LITAFD: variants seen among roughly 807,000 people sequenced by gnomAD.
LITAFD encodes LITAF domain containing, also known as lITAF domain-containing protein.
At chr16:8,884,423 G>T in exon 3 of LITAFD, 1 of 399,276 alleles carries the variant, frequency 2.5e-6, no homozygotes, top group East Asian at 3.6e-5. Context: ...TTTGTCCCGG[G>T]TGCCCTCACC....
chr16:8,885,272 CTCT>C (rs1357813540), exon 4 of LITAFD: 3 of 399,014 alleles, frequency 7.5e-6, no homozygotes, highest in African/African-American at 6.2e-5. Context: ...TCAGCGCGAG[CTCT>C]TCTACTACCA....
chr16:8,885,160 C>T (rs1215242166), intron 3 of LITAFD, 27 bp from the exon 4 acceptor site: 7 of 399,198 alleles, frequency 1.8e-5, no homozygotes, highest in Non-Finnish European at 2.7e-5. Flanking sequence ...GCCCCGCTCA[C>T]GCCCAGCCTC....
chr16:8,883,407 A>G (rs2061550656), intron 2 of LITAFD, 121 bp downstream of exon 2: 1 of 152,202 alleles, frequency 6.6e-6, no homozygotes, highest in South Asian at 2.1e-4. Flanking sequence ...ATCCTCTGGC[A>G]AGTTCTCCTC....
chr16:8,884,511 G>A, intron 3 of LITAFD, 46 bp downstream of exon 3: 1 of 398,420 alleles, frequency 2.5e-6, no homozygotes, highest in African/African-American at 2.1e-5. Flanking sequence ...AGCATTGGTA[G>A]GGGTGGGTCC....
intron 3 of LITAFD, 98 bp from the exon 4 acceptor site, chr16:8,885,089 G>A (rs181121332): frequency 5.5e-5 from 22 of 399,052 alleles, no homozygotes; most frequent in Non-Finnish European, 9.3e-5. Flanking sequence ...ACACACACAC[G>A]CCCAGGCCCC....
chr16:8,884,577 T>G, intron 3 of LITAFD, 112 bp downstream of exon 3: 1 of 397,122 alleles, frequency 2.5e-6, no homozygotes, highest in East Asian at 3.6e-5. Context: ...GGACCAAGCA[T>G]AGGGGAGGCC....
intron 2 of LITAFD, among the ~76,000 whole-genome samples, chr16:8,884,026 C>T (rs537932290): frequency 1.3e-5 from 2 of 152,312 alleles, no homozygotes; most frequent in African/African-American, 4.8e-5. Context: ...GATCGCACCA[C>T]TGCACTCCAG....
intron 3 of LITAFD, among the ~76,000 whole-genome samples, chr16:8,884,677 A>C (rs1596338994): frequency 6.6e-6 from 1 of 152,090 alleles, no homozygotes; most frequent in Non-Finnish European, 1.5e-5. Flanking sequence ...TGGAGGGGTG[A>C]GTGATGCCTA....
chr16:8,882,823 C>G (rs547991195), intron 1 of LITAFD: 1 of 152,284 alleles, frequency 6.6e-6, no homozygotes, highest in Non-Finnish European at 1.5e-5. Context: ...CAGAGACAAC[C>G]GAGGCTGAGC....
chr16:8,883,414 C>T (rs1467771552), intron 2 of LITAFD, 128 bp downstream of exon 2: 1 of 152,334 alleles, frequency 6.6e-6, no homozygotes, highest in African/African-American at 2.4e-5. Flanking sequence ...GGCAAGTTCT[C>T]CTCCCCTGAC....
chr16:8,884,275 T>C, intron 2 of LITAFD, 48 bp from the exon 3 acceptor site: 1 of 398,470 alleles, frequency 2.5e-6, no homozygotes, highest in Non-Finnish European at 4.4e-6. Flanking sequence ...GCCACAGGGG[T>C]CCTGGCCCCG....
chr16:8,884,755 C>T (rs745464864), intron 3 of LITAFD, among the ~76,000 whole-genome samples: 5 of 152,162 alleles, frequency 3.3e-5, no homozygotes, highest in Admixed American at 6.5e-5. Flanking sequence ...CTTGCGGGTT[C>T]AGGATGGCTC....
In LITAFD at chr16:8,884,811, G is replaced by A. The variant is rs375532443; in HGVS notation, c.110+346G>A. 1.8e-3 allele frequency among the ~76,000 whole-genome samples: 268 copies of A among 152,286 alleles called. 3 individuals carry two copies. The highest frequency in any genetic ancestry group is 5.9e-3 in the African/African-American group (247 of 41,560). ...TTTGAAACACACAGAGGGGCCAGGC[G>A]CGGTGACTCATGCCTGTAATCCCAG... is the stretch of plus-strand genomic sequence containing the variant. On this transcript the variant is annotated intron_variant, in intron 3 of 3. Transcript: ENST00000636296.
At position 8,885,188 on chromosome 16, in the gene LITAFD, T is replaced by TGCGTCCTGGGCTGC; in HGVS notation, c.112_113insGCGTCCTGGGCTGC (p.Tyr38CysfsTer17). 2.5e-6 allele frequency: 1 copy of TGCGTCCTGGGCTGC among 399,140 alleles called. No homozygotes were observed. Among genetic ancestry groups the TGCGTCCTGGGCTGC allele is most frequent in the Non-Finnish European group, 4.4e-6 (1 of 226,258 alleles). 24.7% of individuals were successfully genotyped at this position (399,140 alleles called of 1,614,324 possible). ...CCAGCCTCCGCTCCGGGGCTGCAGG[T>TGCGTCCTGGGCTGC]ACGTCCTGGGCTGCTGCTTCCTGGC... On this transcript the variant is annotated frameshift_variant and splice_region_variant, in exon 4 of 4. Coordinates refer to ENST00000636296, the Ensembl canonical transcript of LITAFD. LOFTEE classifies it low-confidence loss of function (END_TRUNC).
At chr16:8,884,452 C>A (rs756760684) in exon 3 of LITAFD, 25 of 398,238 alleles carry the variant, frequency 6.3e-5, no homozygotes, top group African/African-American at 4.7e-4. Context: ...GTGTACCACC[C>A]TCTTCCTGTT....
Position 8,885,239 on chromosome 16 carries a change from G to A in LITAFD, c.163G>A (p.Val55Met), listed in dbSNP as rs549313641. 153 of 398,586 alleles carry A rather than the reference G, an allele frequency of 3.8e-4. 1 individual carries two copies. The East Asian group carries it at 4.6e-3, about 12-fold the overall frequency. The allele number at this position is 398,586 out of a possible 1,614,324, so 24.7% of individuals were successfully genotyped here. A position where few individuals can be genotyped will look rare whatever the true frequency, so the allele number is the denominator to read the frequency against. The change falls in exon 4 of 4, where the codon GTG becomes ATG. Residue 55 changes from valine to methionine, a missense_variant. By Grantham distance (21) the Val-to-Met change is conservative. Coordinates refer to ENST00000636296, the Ensembl canonical transcript of LITAFD. ...ATTCTGCATAAGGAGCCTAATGGACGTGAAGCACTCGTGTCCCGTGTGTCA... is the reference window on the plus strand; with the variant it reads ...ATTCTGCATAAGGAGCCTAATGGACATGAAGCACTCGTGTCCCGTGTGTCA...
intron 3 of LITAFD, among the ~76,000 whole-genome samples, chr16:8,884,925 T>A (rs540733760): frequency 1.7e-4 from 26 of 152,312 alleles, no homozygotes; most frequent in African/African-American, 6.3e-4. Context: ...TCTCTAACTC[T>A]ATTAAAAATA....
intron 3 of LITAFD, 124 bp from the exon 4 acceptor site, chr16:8,885,063 A>G (rs74536708): frequency 0.013 from 5,339 of 398,888 alleles, 120 homozygotes; most frequent in East Asian, 0.074. Context: ...ACAGAGTGAG[A>G]CTCTGTCTCA....
chr16:8,883,853 TC>T (rs2061552815), intron 2 of LITAFD, among the ~76,000 whole-genome samples: 1 of 152,092 alleles, frequency 6.6e-6, no homozygotes, highest in African/African-American at 2.4e-5. Context: ...TCGCATGAGG[TC>T]AGGAGTTCAA....
Sources: gnomAD v4.1 joint callset for allele counts (sites outside exome capture counted in the v4.1 genomes callset) on GRCh38, gnomAD v4.1.1 for gene constraint, MANE v1.5 for transcripts, NCBI Gene and HGNC (gene_info 2026-07-23, HGNC 2026-07-21) for gene names.